Variants in PTPRO observed in about 807,000 individuals in gnomAD.
PTPRO encodes receptor-type tyrosine-protein phosphatase O.
In PTPRO, 62 loss-of-function variants were observed where a neutral mutation model predicts 145.2. The observed-to-expected ratio is 0.43, with a 90% confidence interval of 0.35 to 0.53. The LOEUF (loss-of-function observed/expected upper bound fraction) is 0.53, where lower values mean the gene tolerates loss of function less well. Among genes scored for constraint, PTPRO ranks in the 20% least tolerant of loss-of-function variants. PTPRO has a pLI of 0.01. For synonymous variants in PTPRO, 565 were observed against 514.7 expected (o/e 1.10, Z -1.32); for missense variants, 1,345 against 1,482.7 (o/e 0.91, Z 1.53).
At chr12:15,410,444 A>G (rs749168602) in intron 1 of PTPRO, 4 of 152,208 alleles carry the variant, frequency 2.6e-5, no homozygotes, top group Non-Finnish European at 5.9e-5. Flanking sequence ...CTGCTGGACT[A>G]CTTGGGTTGG....
intron 1 of PTPRO, among the ~76,000 whole-genome samples, chr12:15,351,037 C>T (rs1191687667): frequency 1.3e-5 from 2 of 152,066 alleles, no homozygotes; most frequent in Non-Finnish European, 2.9e-5. Context: ...AAACTACTGG[C>T]AGCAATGGGT....
chr12:15,460,455 A>G (rs775477951), intron 1 of PTPRO, among the ~76,000 whole-genome samples: 1 of 152,170 alleles, frequency 6.6e-6, no homozygotes, highest in Non-Finnish European at 1.5e-5. Flanking sequence ...AAAGCCCTCA[A>G]TTTCTTATTT....
chr12:15,425,100 T>C (rs1261979949), intron 1 of PTPRO, among the ~76,000 whole-genome samples: 2 of 152,164 alleles, frequency 1.3e-5, no homozygotes, highest in Admixed American at 1.3e-4. Context: ...GCATTTTGAC[T>C]TGTAGAAGCT....
At position 15,540,102 on chromosome 12, in the gene PTPRO, C is replaced by T. The variant is rs530733681; in HGVS notation, c.2165-6467C>T. Reference sequence around the variant, plus strand: ...TCATTGCATATCAATCTTAACTCACCCTGAATAATTTCTATACCTCTTGTT... The same window carrying T: ...TCATTGCATATCAATCTTAACTCACTCTGAATAATTTCTATACCTCTTGTT... On this transcript the variant is annotated intron_variant, in intron 12 of 26. Transcript: ENST00000281171. 8.0e-4 allele frequency among the ~76,000 whole-genome samples: 122 copies of T among 152,054 alleles called. 1 individual carries two copies. The Middle Eastern group carries it at 0.01, about 13-fold the overall frequency.
chr12:15,483,523 A>G (rs1339660693), intron 1 of PTPRO, among the ~76,000 whole-genome samples: 1 of 152,158 alleles, frequency 6.6e-6, no homozygotes, highest in Non-Finnish European at 1.5e-5. Context: ...AATAGACGAA[A>G]TAACTGCCTT....
At chr12:15,535,366 C>T (rs897186936) in intron 12 of PTPRO, among the ~76,000 whole-genome samples, 2 of 152,090 alleles carry the variant, frequency 1.3e-5, no homozygotes, top group Admixed American at 1.3e-4. Flanking sequence ...AGAAATTCAG[C>T]TTAGCAGGAA....
intron 1 of PTPRO, among the ~76,000 whole-genome samples, chr12:15,472,709 G>A (rs1941569645): frequency 6.6e-6 from 1 of 152,174 alleles, no homozygotes; most frequent in East Asian, 1.9e-4. Context: ...AATCTTGGAA[G>A]TCTAGATCAA....
At chr12:15,388,747 C>G (rs985430221) in intron 1 of PTPRO, among the ~76,000 whole-genome samples, 1 of 152,120 alleles carries the variant, frequency 6.6e-6, no homozygotes, top group African/African-American at 2.4e-5. Flanking sequence ...AAAAGAAAAT[C>G]TTTTCTAGTG....
At chr12:15,557,638 G>A (rs965956490) in intron 16 of PTPRO, 115 bp downstream of exon 16, 1 of 900,722 alleles carries the variant, frequency 1.1e-6, no homozygotes. Context: ...TTGTAATTTC[G>A]GTGATGGTAG....
At chr12:15,562,598 C>A (rs1943801524) in intron 17 of PTPRO, among the ~76,000 whole-genome samples, 1 of 152,112 alleles carries the variant, frequency 6.6e-6, no homozygotes, top group African/African-American at 2.4e-5. Context: ...GTAGCAGAAT[C>A]AGTGTGGAGC....
Position 15,508,972 on chromosome 12 carries a change from A to G in PTPRO, c.1464+205A>G, listed in dbSNP as rs118108196. 1.6e-4 allele frequency among the ~76,000 whole-genome samples: 24 copies of G among 152,280 alleles called. No individual in the cohort carries two copies. The East Asian group carries it at 4.4e-3, about 28-fold the overall frequency. On this transcript the variant is annotated intron_variant, in intron 7 of 26. Coordinates refer to ENST00000281171, the MANE Select transcript of PTPRO (RefSeq NM_030667.3). ...TGTCATCTCCCTTTCTCTTCAGAGG[A>G]GGGTCATGTTCTTTTTCATTCATTA...
intron 11 of PTPRO, 117 bp from the exon 12 acceptor site, chr12:15,526,025 G>A: frequency 7.7e-7 from 1 of 1,291,224 alleles, no homozygotes; most frequent in East Asian, 2.3e-5. Context: ...ATAATCAATT[G>A]CAGACTGCTG....
At position 15,484,033 on chromosome 12, in the gene PTPRO, A is replaced by G; in HGVS notation, c.135A>G (p.Glu45=). 1 of 1,613,628 alleles carries G rather than the reference A, an allele frequency of 6.2e-7. No individual in the cohort carries two copies. The highest frequency in any genetic ancestry group is 1.1e-5 in the South Asian group (1 of 91,074). Residue 45 remains glutamate (E), a synonymous_variant, in exon 2 of 27, where the codon GAA becomes GAG. Coordinates refer to ENST00000281171, the MANE Select transcript of PTPRO (RefSeq NM_030667.3). ...ATAATAACATCGTTGTCTCATTAGA[A>G]GCTTCAGACGTCATCAGTCCAGCAT... ...QDDNNIVVSL[E]ASDVISPASV...
chr12:15,382,886 T>A (rs994457321), intron 1 of PTPRO, among the ~76,000 whole-genome samples: 8 of 152,256 alleles, frequency 5.3e-5, no homozygotes, highest in African/African-American at 1.7e-4. Flanking sequence ...TATGGTTTGA[T>A]ACACATATAC....
At chr12:15,414,981 C>T (rs1343759682) in intron 1 of PTPRO, among the ~76,000 whole-genome samples, 1 of 152,130 alleles carries the variant, frequency 6.6e-6, no homozygotes, top group East Asian at 1.9e-4. Flanking sequence ...GTCTATGAAC[C>T]TCTTCAAGAA....
intron 1 of PTPRO, among the ~76,000 whole-genome samples, chr12:15,342,125 T>C (rs933896049): frequency 2.6e-5 from 4 of 152,206 alleles, no homozygotes; most frequent in Non-Finnish European, 4.4e-5. Flanking sequence ...CGGTAGTACT[T>C]TCTTTTTCTT....
intron 12 of PTPRO, among the ~76,000 whole-genome samples, chr12:15,534,784 T>C (rs996833900): frequency 6.6e-6 from 1 of 152,222 alleles, no homozygotes; most frequent in African/African-American, 2.4e-5. Context: ...CGATTTACAT[T>C]TAAAACAATC....
At position 15,322,951 on chromosome 12, in the gene PTPRO, T is replaced by C; in HGVS notation, c.75+150T>C. Reference sequence around the variant, plus strand: ...CCGTGCAGCCTGGGCGCACGCTTTGTTGTCCTCGCGTGTGCGTGTTCCTGG... The same window carrying C: ...CCGTGCAGCCTGGGCGCACGCTTTGCTGTCCTCGCGTGTGCGTGTTCCTGG... On this transcript the variant is annotated intron_variant, in intron 1 of 26. Coordinates refer to ENST00000281171, the MANE Select transcript of PTPRO (RefSeq NM_030667.3). The surrounding 1 kb of genome is among the most constrained non-coding windows in gnomAD (Gnocchi z 6.3). 2 of 753,016 alleles carry C rather than the reference T, an allele frequency of 2.7e-6. No homozygotes were observed. 46.6% of individuals were successfully genotyped at this position (753,016 alleles called of 1,614,324 possible).
At chr12:15,353,007 G>A (rs1014023653) in intron 1 of PTPRO, among the ~76,000 whole-genome samples, 1 of 152,148 alleles carries the variant, frequency 6.6e-6, no homozygotes, top group Non-Finnish European at 1.5e-5. Context: ...ACTGCCTGAG[G>A]AATTTAATTT....
Sources: allele counts gnomAD v4.1 joint callset (sites outside exome capture counted in the v4.1 genomes callset), GRCh38; gene constraint gnomAD v4.1.1; non-coding constraint Gnocchi (gnomAD v3.1); transcripts MANE v1.5; gene names NCBI Gene and HGNC (gene_info 2026-07-23, HGNC 2026-07-21).